The following PHACTR1 variants were observed in gnomAD, a reference collection of about 807,000 sequenced individuals.
PHACTR1 encodes the protein phosphatase and actin regulator 1.
Under a neutral mutation model 69.2 loss-of-function variants are expected in PHACTR1, and 16 were observed. The observed-to-expected ratio is 0.23, with a 90% CI of 0.16 to 0.35. PHACTR1 has a LOEUF of 0.35. Among genes scored for constraint, PHACTR1 ranks in the 10% least tolerant of loss-of-function variants. The pLI, the probability that PHACTR1 is intolerant of heterozygous loss-of-function variation, is 1.00. For missense variants in PHACTR1, 510 were observed against 734.7 expected (o/e 0.69, Z 3.54); for synonymous variants, 312 against 284.5 (o/e 1.10, Z -0.97).
At chr6:13,167,392 A>G (rs1449190070) in intron 6 of PHACTR1, among the ~76,000 whole-genome samples, 3 of 152,152 alleles carry the variant, frequency 2.0e-5, no homozygotes, top group African/African-American at 7.2e-5. Flanking sequence ...ATTCACGTGG[A>G]TGTATCTTTT....
At chr6:12,723,213 T>C (rs1048094179) in intron 3 of PHACTR1, among the ~76,000 whole-genome samples, 1 of 152,062 alleles carries the variant, frequency 6.6e-6, no homozygotes, top group African/African-American at 2.4e-5. Context: ...AACTAGCCCA[T>C]GGGTTTTTAT....
At chr6:13,099,165 C>T (rs1035802042) in intron 5 of PHACTR1, among the ~76,000 whole-genome samples, 3 of 152,222 alleles carry the variant, frequency 2.0e-5, no homozygotes, top group Non-Finnish European at 4.4e-5. Flanking sequence ...CCTTCCATCT[C>T]TGTCTAAATG....
rs570459314 is a variant in PHACTR1, at chr6:12,774,526, G to T, written c.250+24736G>T. The stretch of plus-strand genomic sequence containing the variant: ...CCTGCTTCAGCCTCCCAAGTAGCTG[G>T]GATTACAGGTGCCCACCACCACACC... On this transcript the variant is annotated intron_variant, in intron 4 of 14. Coordinates refer to ENST00000332995, the MANE Select transcript of PHACTR1 (RefSeq NM_030948.6). Among the ~76,000 whole-genome samples the T allele has an allele frequency of 4.6e-5, 7 of 152,038 alleles. No individual in the cohort carries two copies. In the South Asian group the frequency reaches 1.5e-3, roughly 32 times the overall value.
intron 5 of PHACTR1, among the ~76,000 whole-genome samples, chr6:13,055,862 G>C (rs1424463707): frequency 6.6e-6 from 1 of 152,254 alleles, no homozygotes; most frequent in African/African-American, 2.4e-5. Flanking sequence ...ATGGGAGAAA[G>C]AATGGAAACA....
intron 8 of PHACTR1, among the ~76,000 whole-genome samples, chr6:13,226,773 CT>C (rs990010267): frequency 2.0e-5 from 3 of 146,892 alleles, no homozygotes; most frequent in Non-Finnish European, 4.5e-5. Context: ...GAGTCTCGCT[CT>C]GTTGCCAGGC....
intron 3 of PHACTR1, among the ~76,000 whole-genome samples, chr6:12,725,659 C>T (rs1762688165): frequency 6.6e-6 from 1 of 152,184 alleles, no homozygotes; most frequent in African/African-American, 2.4e-5. Context: ...TATAAAGTGT[C>T]TAGTACCTTG....
intron 4 of PHACTR1, among the ~76,000 whole-genome samples, chr6:12,977,256 AT>A (rs1348859117): frequency 1.3e-5 from 2 of 152,144 alleles, no homozygotes; most frequent in Non-Finnish European, 2.9e-5. Context: ...CTGGCCAAAA[AT>A]GATCTGCAGT....
chr6:13,012,758 C>T (rs906090025), intron 4 of PHACTR1, among the ~76,000 whole-genome samples: 1 of 152,166 alleles, frequency 6.6e-6, no homozygotes, highest in Non-Finnish European at 1.5e-5. Flanking sequence ...AAGGTGATAT[C>T]GGACTGGCGA....
chr6:13,144,035 A>G (rs529768939), intron 5 of PHACTR1, among the ~76,000 whole-genome samples: 40 of 152,176 alleles, frequency 2.6e-4, no homozygotes, highest in Admixed American at 1.1e-3. Context: ...GAAGGTAGAA[A>G]TAGAAGGGAA....
intron 6 of PHACTR1, among the ~76,000 whole-genome samples, chr6:13,167,443 C>T (rs1759969302): frequency 6.6e-6 from 1 of 152,132 alleles, no homozygotes; most frequent in Admixed American, 6.5e-5. Context: ...ACTTCTCTAC[C>T]ATCCGATGAA....
intron 6 of PHACTR1, among the ~76,000 whole-genome samples, chr6:13,162,468 G>A (rs552075318): frequency 3.2e-4 from 49 of 152,022 alleles, no homozygotes; most frequent in Non-Finnish European, 2.6e-4. Flanking sequence ...TTCATCATAA[G>A]CTCCTTTCCC....
chr6:12,934,305 G>A (rs1043133575), intron 4 of PHACTR1, among the ~76,000 whole-genome samples: 1 of 152,100 alleles, frequency 6.6e-6, no homozygotes, highest in African/African-American at 2.4e-5. Flanking sequence ...CTAACCTAAC[G>A]ACCTTGTTTT....
At chr6:12,815,198 A>C (rs1775445916) in intron 4 of PHACTR1, among the ~76,000 whole-genome samples, 1 of 152,184 alleles carries the variant, frequency 6.6e-6, no homozygotes, top group Non-Finnish European at 1.5e-5. Context: ...CTGCTTTTTC[A>C]CATTAAAACA....
At chr6:13,226,309 G>A (rs1005295788) in intron 8 of PHACTR1, among the ~76,000 whole-genome samples, 15 of 152,146 alleles carry the variant, frequency 9.9e-5, no homozygotes, top group Non-Finnish European at 2.2e-4. Flanking sequence ...ATTTACATTA[G>A]GCATAGCAAT....
rs191524002 is a variant in PHACTR1, at chr6:13,091,053, C to T, written c.415+37524C>T. Reference sequence around the variant, plus strand: ...GGGGTGCAGAATTTCACTCTGTTGCCCAGGCTGGAGTGCAATGGCGCATCT... The same window carrying T: ...GGGGTGCAGAATTTCACTCTGTTGCTCAGGCTGGAGTGCAATGGCGCATCT... On this transcript the variant is annotated intron_variant, in intron 5 of 14. Coordinates refer to ENST00000332995, the MANE Select transcript of PHACTR1 (RefSeq NM_030948.6). Among the ~76,000 whole-genome samples the T allele has an allele frequency of 1.2e-3, 183 of 151,978 alleles. 1 individual carries two copies. The highest frequency in any genetic ancestry group is 2.3e-3 in the East Asian group (12 of 5,162).
intron 9 of PHACTR1, among the ~76,000 whole-genome samples, chr6:13,229,628 C>T (rs1322446421): frequency 2.6e-5 from 4 of 152,336 alleles, no homozygotes; most frequent in Admixed American, 6.5e-5. Flanking sequence ...CACAGATCCC[C>T]GCCCACCTGC....
chr6:13,027,207 G>T (rs1801818047), intron 4 of PHACTR1, among the ~76,000 whole-genome samples: 1 of 152,138 alleles, frequency 6.6e-6, no homozygotes, highest in Admixed American at 6.5e-5. Flanking sequence ...CTCTTACTTT[G>T]CTTGCTTAAG....
At chr6:12,904,072 C>A (rs1309889773) in intron 4 of PHACTR1, among the ~76,000 whole-genome samples, 1 of 152,144 alleles carries the variant, frequency 6.6e-6, no homozygotes, top group Non-Finnish European at 1.5e-5. Context: ...GATTACTGAG[C>A]TATTCTTTTA....
At chr6:13,032,183 C>T (rs1290385205) in intron 4 of PHACTR1, among the ~76,000 whole-genome samples, 1 of 152,126 alleles carries the variant, frequency 6.6e-6, no homozygotes, top group East Asian at 1.9e-4. Flanking sequence ...TTAGTCTATT[C>T]TATATTTACC....
Sources: gnomAD v4.1 joint callset for allele counts (sites outside exome capture counted in the v4.1 genomes callset) on GRCh38, gnomAD v4.1.1 for gene constraint, MANE v1.5 for transcripts, NCBI Gene and HGNC (gene_info 2026-07-23, HGNC 2026-07-21) for gene names.